Variants in ACYP2 observed in about 807,000 individuals in gnomAD.
ACYP2 encodes the protein acylphosphatase-2.
In ACYP2, 12 loss-of-function variants were observed where a neutral mutation model predicts 11.2. The observed-to-expected ratio is 1.08, with a 90% CI of 0.69 to 1.74. The LOEUF (loss-of-function observed/expected upper bound fraction) is 1.74, where lower values mean the gene tolerates loss of function less well. ACYP2 is among the 40% of genes most tolerant of loss of function. The pLI is 0.00. For missense variants in ACYP2, 134 were observed against 101.9 expected, an observed-to-expected ratio of 1.31 and a Z score of -1.35; for synonymous variants, 43 against 32.2, an observed-to-expected ratio of 1.33 and a Z score of -1.13.
At chr2:54,167,264 G>A (rs1210950942) in intron 6 of ACYP2, among the ~76,000 whole-genome samples, 2 of 152,170 alleles carry the variant, frequency 1.3e-5, no homozygotes, top group African/African-American at 4.8e-5. Context: ...CATCAACTGA[G>A]AAATTTGATA....
intron 2 of ACYP2, among the ~76,000 whole-genome samples, chr2:53,980,002 G>GT (rs1449730238): frequency 6.6e-6 from 1 of 151,892 alleles, no homozygotes; most frequent in African/African-American, 2.4e-5. Flanking sequence ...GAATGTGTTT[G>GT]TTTTTTTAAG....
chr2:54,192,946 G>T (rs959742488), intron 6 of ACYP2, among the ~76,000 whole-genome samples: 3 of 152,126 alleles, frequency 2.0e-5, no homozygotes, highest in African/African-American at 7.2e-5. Context: ...ACCTCCACCT[G>T]GTCCTACCCT....
At position 54,155,918 on chromosome 2, in the gene ACYP2, A is replaced by G. The variant is rs532829614; in HGVS notation, c.404+17170A>G. ...CCTAGTTTCATAGCATTATTATCAG[A>G]GAAGATACTTGAAATTATTTCACTT... On this transcript the variant is annotated intron_variant, in intron 6 of 6. Transcript: ENST00000607452. Among the ~76,000 whole-genome samples, 4 of 152,328 alleles carry G rather than the reference A, an allele frequency of 2.6e-5. No individual in the cohort carries two copies. In the South Asian group the frequency reaches 8.3e-4, roughly 32 times the overall value.
chr2:54,042,446 G>T (rs1675285659), intron 2 of ACYP2, among the ~76,000 whole-genome samples: 1 of 152,158 alleles, frequency 6.6e-6, no homozygotes, highest in Admixed American at 6.5e-5. Context: ...GAGTACAGGG[G>T]TTATTCTGTT....
At chr2:54,102,638 CAAAAAAAAAAAAAAAAAAAAAAAA>C (rs58842257) in intron 4 of ACYP2, among the ~76,000 whole-genome samples, 36,142 of 84,106 alleles carry the variant, frequency 0.43, 5,721 homozygotes, top group South Asian at 0.63. Context: ...TGGCTTAAGC[CAAAAAAAAAAAAAAAAAAAAAAAA>C]AAAAAAAAAA....
chr2:54,131,333 C>CTCA (rs1680886327), intron 4 of ACYP2, among the ~76,000 whole-genome samples: 2 of 152,174 alleles, frequency 1.3e-5, no homozygotes, highest in Non-Finnish European at 2.9e-5. Flanking sequence ...TCACCATAGG[C>CTCA]TAATGGTCTT....
intron 2 of ACYP2, among the ~76,000 whole-genome samples, chr2:54,018,726 A>G (rs1003380200): frequency 6.6e-6 from 1 of 152,162 alleles, no homozygotes; most frequent in Non-Finnish European, 1.5e-5. Flanking sequence ...CATTTGCAAA[A>G]TCAATCGCTA....
At chr2:54,303,921 T>A (rs529575503) in intron 6 of ACYP2, among the ~76,000 whole-genome samples, 3 of 152,328 alleles carry the variant, frequency 2.0e-5, no homozygotes, top group African/African-American at 7.2e-5. Context: ...CAGTGTTATC[T>A]GAGATGTCAG....
intron 4 of ACYP2, among the ~76,000 whole-genome samples, chr2:54,130,819 C>T (rs1050566374): frequency 1.3e-5 from 2 of 152,156 alleles, no homozygotes; most frequent in Non-Finnish European, 2.9e-5. Context: ...TGAGCATGCT[C>T]TCCTATCTGT....
intron 6 of ACYP2, among the ~76,000 whole-genome samples, chr2:54,291,899 G>T (rs533048226): frequency 1.3e-5 from 2 of 152,288 alleles, no homozygotes; most frequent in East Asian, 3.9e-4. Flanking sequence ...ATATGGTCTG[G>T]TAGAAACTTT....
chr2:54,016,206 C>G (rs1206643216), intron 2 of ACYP2, among the ~76,000 whole-genome samples: 1 of 152,016 alleles, frequency 6.6e-6, no homozygotes, highest in Non-Finnish European at 1.5e-5. Context: ...GAGGCCACTG[C>G]TGCCTGGCTT....
At chr2:54,142,293 G>A (rs1230212756) in intron 6 of ACYP2, 12 of 176,208 alleles carry the variant, frequency 6.8e-5, no homozygotes, top group African/African-American at 2.8e-4. Context: ...ACAATTAATG[G>A]ACCAATATGG....
At chr2:53,979,797 G>T in intron 2 of ACYP2, among the ~76,000 whole-genome samples, 2 of 151,730 alleles carry the variant, frequency 1.3e-5, no homozygotes, top group Middle Eastern at 3.4e-3. Flanking sequence ...CACCTCAAGG[G>T]ATCCTCCCAC....
At chr2:54,096,774 A>G (rs1160178435) in intron 4 of ACYP2, among the ~76,000 whole-genome samples, 1 of 152,164 alleles carries the variant, frequency 6.6e-6, no homozygotes, top group African/African-American at 2.4e-5. Context: ...GTGAGCTGAG[A>G]TGGCAGCAGT....
rs1317909172 is a variant in ACYP2, at chr2:54,013,315, GTT to G, written c.63-37640_63-37639del. Among the ~76,000 whole-genome samples, 160 of 119,406 alleles carry G rather than the reference GTT, an allele frequency of 1.3e-3. 1 individual carries two copies. The highest frequency in any genetic ancestry group is 2.0e-3 in the Non-Finnish European group (113 of 56,408). 78.3% of individuals were successfully genotyped at this position (119,406 alleles called of 152,430 possible). A position where few individuals can be genotyped will look rare whatever the true frequency, so the allele number is the denominator to read the frequency against. ...TGTGTGTGTGTGTGTGTGTGTGTGT[GTT>G]TTGAGACAGAGTCTTGCTCTGTTGC... is the stretch of plus-strand genomic sequence containing the variant. On this transcript the variant is annotated intron_variant, in intron 2 of 6. Coordinates refer to ENST00000607452, the MANE Select transcript of ACYP2 (RefSeq NM_001320586.2).
chr2:54,202,670 A>C (rs557128360), intron 6 of ACYP2, among the ~76,000 whole-genome samples: 22 of 133,250 alleles, frequency 1.7e-4, no homozygotes, highest in Non-Finnish European at 1.5e-5. Context: ...AGTCTCCCAA[A>C]GTGCTGGGAT....
chr2:54,107,757 T>G (rs977846027), intron 4 of ACYP2, among the ~76,000 whole-genome samples: 1 of 152,188 alleles, frequency 6.6e-6, no homozygotes, highest in African/African-American at 2.4e-5. Flanking sequence ...AATCAAAACC[T>G]TTGGGCATAA....
intron 6 of ACYP2, among the ~76,000 whole-genome samples, chr2:54,273,775 C>A (rs1688422153): frequency 6.6e-6 from 1 of 152,182 alleles, no homozygotes; most frequent in Non-Finnish European, 1.5e-5. Flanking sequence ...CATTTCTAAA[C>A]TTTTATGCCT....
chr2:54,226,689 G>C (rs938327454), intron 6 of ACYP2, among the ~76,000 whole-genome samples: 6 of 152,132 alleles, frequency 3.9e-5, no homozygotes, highest in African/African-American at 1.4e-4. Flanking sequence ...TTTCCAATTT[G>C]ATGTTCTTGT....
Sources: allele counts gnomAD v4.1 joint callset (sites outside exome capture counted in the v4.1 genomes callset), GRCh38; gene constraint gnomAD v4.1.1; transcripts MANE v1.5; gene names NCBI Gene and HGNC (gene_info 2026-07-23, HGNC 2026-07-21).